Variants in SGCZ observed in about 807,000 individuals in gnomAD.
SGCZ encodes the protein sarcoglycan zeta.
A neutral mutation model predicts 41.3 loss-of-function variants in SGCZ; 40 were observed. That is an observed-to-expected ratio of 0.97 (90% CI 0.75 to 1.26). The LOEUF is 1.26. SGCZ is among the 50% of genes most tolerant of loss of function. The pLI is 0.00. For synonymous variants in SGCZ, 206 were observed against 137.5 expected (o/e 1.50, Z -3.49); for missense variants, 552 against 369.8 (o/e 1.49, Z -4.04).
At chr8:14,814,016 A>C (rs569356718) in intron 1 of SGCZ, among the ~76,000 whole-genome samples, 26 of 152,262 alleles carry the variant, frequency 1.7e-4, no homozygotes, top group Non-Finnish European at 3.5e-4. Flanking sequence ...AAGATAACTA[A>C]ATCATGTCTA....
chr8:14,976,908 T>C (rs1396099692), intron 1 of SGCZ, among the ~76,000 whole-genome samples: 1 of 152,234 alleles, frequency 6.6e-6, no homozygotes, highest in Non-Finnish European at 1.5e-5. Context: ...AGATTGGCTT[T>C]AAAATTTGAG....
rs1234965745 is a variant in SGCZ, at chr8:14,596,109, C to G, written c.40-41183G>C. Among the ~76,000 whole-genome samples the G allele has an allele frequency of 2.0e-5, 3 of 152,324 alleles. No homozygotes were observed. In the East Asian group the frequency reaches 5.8e-4, roughly 29 times the overall value. On this transcript the variant is annotated intron_variant, in intron 1 of 7. Coordinates refer to ENST00000382080, the MANE Select transcript of SGCZ (RefSeq NM_139167.4). ...CCTCCAGACAGGTTGTGGTCTTTAT[C>G]TCACTTAGTATCTGTCACAATGATG...
At chr8:14,505,740 C>G (rs1037061326) in intron 2 of SGCZ, among the ~76,000 whole-genome samples, 9 of 152,020 alleles carry the variant, frequency 5.9e-5, no homozygotes, top group Non-Finnish European at 1.0e-4. Flanking sequence ...TCAATTGGAC[C>G]CTTAGTATTT....
At chr8:14,568,715 T>G (rs959260548) in intron 1 of SGCZ, among the ~76,000 whole-genome samples, 1 of 152,188 alleles carries the variant, frequency 6.6e-6, no homozygotes, top group Non-Finnish European at 1.5e-5. Context: ...GTTTTATTGT[T>G]GAATTCAGTT....
chr8:14,259,258 C>T (rs1157927594), intron 3 of SGCZ, among the ~76,000 whole-genome samples: 2 of 152,102 alleles, frequency 1.3e-5, no homozygotes, highest in Non-Finnish European at 2.9e-5. Flanking sequence ...GTATAAAAGG[C>T]AGCAAGTTAT....
intron 1 of SGCZ, among the ~76,000 whole-genome samples, chr8:14,759,418 TGTAG>T (rs1799789174): frequency 6.6e-6 from 1 of 152,212 alleles, no homozygotes; most frequent in South Asian, 2.1e-4. Context: ...CATTTTCCAT[TGTAG>T]GTAGTCTCAA....
At chr8:14,352,899 C>T (rs981234662) in intron 2 of SGCZ, among the ~76,000 whole-genome samples, 22 of 152,070 alleles carry the variant, frequency 1.4e-4, no homozygotes, top group African/African-American at 5.3e-4. Flanking sequence ...TTCTCCCTAC[C>T]CTAATTGATC....
intron 1 of SGCZ, among the ~76,000 whole-genome samples, chr8:14,740,876 A>C (rs1293740882): frequency 6.6e-6 from 1 of 152,028 alleles, no homozygotes; most frequent in Admixed American, 6.6e-5. Context: ...TTAAACATAC[A>C]GTTGTTGGAG....
chr8:15,159,207 T>G lies in SGCZ; in HGVS notation c.39+78378A>C, dbSNP rs151306431. On this transcript the variant is annotated intron_variant, in intron 1 of 7. Transcript: ENST00000382080. Reference sequence around the variant, plus strand: ...GCAAAGGGTTTAGATAGCTTCTAGATAGCTGAACACATGTAGGTTCCCGAA... The same window carrying G: ...GCAAAGGGTTTAGATAGCTTCTAGAGAGCTGAACACATGTAGGTTCCCGAA... 4.3e-3 allele frequency among the ~76,000 whole-genome samples: 650 copies of G among 152,284 alleles called. 4 individuals are homozygous for G. Among genetic ancestry groups the G allele is most frequent in the African/African-American group, 0.014 (596 of 41,566 alleles).
chr8:15,111,718 G>A (rs1330369766), intron 1 of SGCZ, among the ~76,000 whole-genome samples: 1 of 152,024 alleles, frequency 6.6e-6, no homozygotes, highest in South Asian at 2.1e-4. Flanking sequence ...TGGCCAACAT[G>A]GTGAAACCCT....
intron 2 of SGCZ, among the ~76,000 whole-genome samples, chr8:14,547,836 T>A (rs35648707): frequency 0.13 from 20,227 of 152,194 alleles, 1,614 homozygotes; most frequent in South Asian, 0.19. Context: ...CAGGTTAACA[T>A]CATCAATCTT....
intron 2 of SGCZ, among the ~76,000 whole-genome samples, chr8:14,526,476 T>C (rs1802953925): frequency 6.6e-6 from 1 of 152,150 alleles, no homozygotes; most frequent in African/African-American, 2.4e-5. Flanking sequence ...AAAAACATTA[T>C]TTATAACAAT....
intron 2 of SGCZ, among the ~76,000 whole-genome samples, chr8:14,439,522 C>A (rs375220980): frequency 6.6e-6 from 1 of 151,518 alleles, no homozygotes; most frequent in African/African-American, 2.4e-5. Context: ...AGTACAGACC[C>A]AACAATCTTT....
At chr8:14,969,810 A>C (rs896809365) in intron 1 of SGCZ, among the ~76,000 whole-genome samples, 5 of 152,108 alleles carry the variant, frequency 3.3e-5, no homozygotes, top group Non-Finnish European at 7.4e-5. Context: ...AGTTGGCGCT[A>C]CTGCAAATAA....
intron 1 of SGCZ, among the ~76,000 whole-genome samples, chr8:15,166,870 T>C (rs1799680660): frequency 6.6e-6 from 1 of 152,160 alleles, no homozygotes; most frequent in Non-Finnish European, 1.5e-5. Context: ...ATTGTAACAT[T>C]GGAATAAAGG....
Position 14,477,810 on chromosome 8 carries a change from A to G in SGCZ, c.234+76922T>C, listed in dbSNP as rs181504323. On this transcript the variant is annotated intron_variant, in intron 2 of 7. Coordinates refer to ENST00000382080, the MANE Select transcript of SGCZ (RefSeq NM_139167.4). ...TCATACCTCTGCCTTAGATGATAAA[A>G]TAATTTTTCAGCTGAGGTTTTATAT... Among the ~76,000 whole-genome samples, 9 of 152,332 alleles carry G rather than the reference A, an allele frequency of 5.9e-5. No individual in the cohort carries two copies. The East Asian group carries it at 1.7e-3, about 29-fold the overall frequency.
intron 1 of SGCZ, among the ~76,000 whole-genome samples, chr8:14,616,080 A>C (rs4831622): frequency 6.6e-6 from 1 of 151,824 alleles, no homozygotes; most frequent in East Asian, 1.9e-4. Flanking sequence ...TCAAGAGATC[A>C]AGACCATCCT....
chr8:14,464,689 T>G (rs1288604518), intron 2 of SGCZ, among the ~76,000 whole-genome samples: 2 of 151,558 alleles, frequency 1.3e-5, no homozygotes, highest in Non-Finnish European at 1.5e-5. Context: ...AAAGTTTGTT[T>G]ATTGACTTGA....
chr8:14,656,085 A>G lies in SGCZ; in HGVS notation c.40-101159T>C, dbSNP rs556899158. On this transcript the variant is annotated intron_variant, in intron 1 of 7. Transcript: ENST00000382080. Reference sequence around the variant, plus strand: ...GGCATTTGTGTACAGGTTTTATATGAACGTTGTTTTTATTTCCCCAGGAAA... The same window carrying G: ...GGCATTTGTGTACAGGTTTTATATGGACGTTGTTTTTATTTCCCCAGGAAA... 1.4e-4 allele frequency among the ~76,000 whole-genome samples: 22 copies of G among 152,108 alleles called. No homozygotes were observed. The East Asian group carries it at 3.9e-3, about 27-fold the overall frequency.
Sources: gnomAD v4.1 joint callset for allele counts (sites outside exome capture counted in the v4.1 genomes callset) on GRCh38, gnomAD v4.1.1 for gene constraint, MANE v1.5 for transcripts, NCBI Gene and HGNC (gene_info 2026-07-23, HGNC 2026-07-21) for gene names.